The following PLXNA4 variants were observed in gnomAD, a reference collection of about 807,000 sequenced individuals.
PLXNA4 encodes the protein plexin-A4.
A neutral mutation model predicts 191.8 loss-of-function variants in PLXNA4; 44 were observed. The observed-to-expected ratio is 0.23, with a 90% confidence interval of 0.18 to 0.29. PLXNA4 has a LOEUF of 0.29. PLXNA4 is among the 10% of genes least tolerant of loss of function. The probability of loss-of-function intolerance (pLI) is 1.00; values close to 1 mark genes in which losing one functional copy is unlikely to be tolerated. For missense variants in PLXNA4, 1,800 were observed against 2,488.8 expected, an observed-to-expected ratio of 0.72 and a Z score of 5.89; for synonymous variants, 1,082 against 1,009.5, an observed-to-expected ratio of 1.07 and a Z score of -1.36.
chr7:132,132,468 C>CTGTTCTGTTCTGTTCTGCTCTGTTCTGT lies in PLXNA4; in HGVS notation c.5589+580_5589+581insACAGAACAGAGCAGAACAGAACAGAACA. 6.7e-5 allele frequency among the ~76,000 whole-genome samples: 3 copies of CTGTTCTGTTCTGTTCTGCTCTGTTCTGT among 44,588 alleles called. No individual in the cohort carries two copies. In the East Asian group the frequency reaches 1.7e-3, roughly 26 times the overall value. 29.3% of individuals were successfully genotyped at this position (44,588 alleles called of 152,430 possible). ...TTCTGTTCTGTTCTGTTCTGTTCTG[C>CTGTTCTGTTCTGTTCTGCTCTGTTCTGT]TCTGCTCTGCTCTGCTCTGCTCTAT... On this transcript the variant is annotated intron_variant, in intron 31 of 31. Transcript: ENST00000321063.
intron 2 of PLXNA4, among the ~76,000 whole-genome samples, chr7:132,489,914 G>GTGGTCTTC (rs1797717566): frequency 6.6e-6 from 1 of 152,172 alleles, no homozygotes; most frequent in Admixed American, 6.5e-5. Flanking sequence ...AAAGAGGAAT[G>GTGGTCTTC]TGGTCTTCGT....
chr7:132,202,604 G>A, intron 12 of PLXNA4, 42 bp downstream of exon 12: 1 of 1,436,500 alleles, frequency 7.0e-7, no homozygotes, highest in Non-Finnish European at 9.2e-7. Context: ...ACAGCAGCCT[G>A]GAGCCTGCCC....
chr7:132,640,323 T>C (rs1178902344), intron 2 of PLXNA4, among the ~76,000 whole-genome samples: 1 of 152,178 alleles, frequency 6.6e-6, no homozygotes, highest in African/African-American at 2.4e-5. Context: ...AAACTTACAC[T>C]AAATAAATGC....
At chr7:132,603,292 A>T (rs1316010726) in intron 2 of PLXNA4, among the ~76,000 whole-genome samples, 1 of 39,838 alleles carries the variant, frequency 2.5e-5, no homozygotes, top group Non-Finnish European at 2.4e-4. Flanking sequence ...AGGTGGAATT[A>T]ATTCCACCCC....
intron 1 of PLXNA4, among the ~76,000 whole-genome samples, chr7:132,537,591 C>T (rs958358680): frequency 1.3e-5 from 2 of 152,132 alleles, no homozygotes; most frequent in African/African-American, 2.4e-5. Context: ...CAGGGTGTCT[C>T]GGGACTGAGG....
At chr7:132,577,260 G>C (rs958403824), upstream of PLXNA4, 32 of 151,642 alleles carry the variant, frequency 2.1e-4, no homozygotes, top group Non-Finnish European at 4.1e-4. Context: ...TGGCTCGGCC[G>C]CCGCCGGAGC....
At chr7:132,429,075 G>T (rs978245586) in intron 3 of PLXNA4, among the ~76,000 whole-genome samples, 1 of 152,110 alleles carries the variant, frequency 6.6e-6, no homozygotes, top group African/African-American at 2.4e-5. Flanking sequence ...ATGCAATGCA[G>T]ACCTCTCTGT....
intron 4 of PLXNA4, among the ~76,000 whole-genome samples, chr7:132,278,706 A>T (rs1800368665): frequency 6.6e-6 from 1 of 152,196 alleles, no homozygotes; most frequent in African/African-American, 2.4e-5. Context: ...ATATCCACCC[A>T]TGCTCAGCTC....
In PLXNA4 at chr7:132,511,994, G is replaced by C. The variant is rs4728258; in HGVS notation, c.-86-3215C>G. On this transcript the variant is annotated intron_variant, in intron 1 of 31. Transcript: ENST00000321063. Reference sequence around the variant, plus strand: ...CATCCCATGCTCTTTCCACCACCCCGGCCTCTCTTCTGACTTTATGTGAAT... The same window carrying C: ...CATCCCATGCTCTTTCCACCACCCCCGCCTCTCTTCTGACTTTATGTGAAT... Among the ~76,000 whole-genome samples, 15 of 152,028 alleles carry C rather than the reference G, an allele frequency of 9.9e-5. No individual in the cohort carries two copies. In the South Asian group the frequency reaches 3.1e-3, roughly 32 times the overall value.
intron 25 of PLXNA4, among the ~76,000 whole-genome samples, chr7:132,157,785 T>A: frequency 6.6e-6 from 1 of 151,942 alleles, no homozygotes; most frequent in East Asian, 1.9e-4. Flanking sequence ...CAAACTCAAT[T>A]CTCCCTGGAA....
intron 3 of PLXNA4, among the ~76,000 whole-genome samples, chr7:132,462,778 A>AT (rs1358384412): frequency 5.7e-5 from 8 of 139,924 alleles, no homozygotes; most frequent in South Asian, 4.5e-4. Flanking sequence ...ATTTCAGGTT[A>AT]TTTTTTTTCT....
chr7:132,644,047 G>T (rs750334618), intron 2 of PLXNA4, among the ~76,000 whole-genome samples: 1 of 152,202 alleles, frequency 6.6e-6, no homozygotes. Flanking sequence ...AAATATGTGT[G>T]TGGATAGTGG....
chr7:132,211,662 T>C (rs1584851655), intron 9 of PLXNA4, among the ~76,000 whole-genome samples: 1 of 152,188 alleles, frequency 6.6e-6, no homozygotes, highest in African/African-American at 2.4e-5. Context: ...GGGCTGAATC[T>C]GATGTTTGAG....
chr7:132,507,442 T>C, intron 2 of PLXNA4, 64 bp downstream of exon 2: 1 of 1,512,470 alleles, frequency 6.6e-7, no homozygotes, highest in Non-Finnish European at 8.9e-7. Context: ...CCATGGGGGC[T>C]ACAGGCTGGG....
chr7:132,520,840 C>T (rs930462373), intron 1 of PLXNA4, among the ~76,000 whole-genome samples: 1 of 152,130 alleles, frequency 6.6e-6, no homozygotes, highest in Admixed American at 6.5e-5. Context: ...CTCGAGGAAG[C>T]CCATAATCCC....
chr7:132,552,912 G>C (rs1180332258), intron 1 of PLXNA4, among the ~76,000 whole-genome samples: 1 of 152,196 alleles, frequency 6.6e-6, no homozygotes, highest in Non-Finnish European at 1.5e-5. Context: ...CTTGGGGCCA[G>C]TACTGCCCAT....
At chr7:132,489,666 G>A (rs1455623609) in intron 2 of PLXNA4, among the ~76,000 whole-genome samples, 192 bp from the exon 3 acceptor site, 1 of 152,166 alleles carries the variant, frequency 6.6e-6, no homozygotes, top group Non-Finnish European at 1.5e-5. Context: ...GTGGGCAGGT[G>A]CAGGGACATG....
At chr7:132,428,742 C>T (rs548377102) in intron 3 of PLXNA4, among the ~76,000 whole-genome samples, 1 of 152,262 alleles carries the variant, frequency 6.6e-6, no homozygotes, top group African/African-American at 2.4e-5. Context: ...CCTCGCCTAC[C>T]TCCCACTCCA....
At chr7:132,538,840 GC>G (rs1259753189) in intron 1 of PLXNA4, among the ~76,000 whole-genome samples, 2 of 152,146 alleles carry the variant, frequency 1.3e-5, no homozygotes, top group Non-Finnish European at 2.9e-5. Context: ...CTAACATCCT[GC>G]CCTAAGCACG....
Sources: allele counts gnomAD v4.1 joint callset (sites outside exome capture counted in the v4.1 genomes callset), GRCh38; gene constraint gnomAD v4.1.1; transcripts MANE v1.5; gene names NCBI Gene and HGNC (gene_info 2026-07-23, HGNC 2026-07-21).